The following ADGRG6 variants were observed in gnomAD, a reference collection of about 807,000 sequenced individuals.
ADGRG6 encodes the protein G-protein coupled receptor 126.
ADGRG6 carries 84 observed loss-of-function variants against 142.4 expected under a neutral mutation model. The ratio of observed to expected loss-of-function variants is 0.59; its 90% CI spans 0.49 to 0.71. The LOEUF (loss-of-function observed/expected upper bound fraction) is 0.71. Ranked by LOEUF, ADGRG6 falls within the 30% of genes least tolerant of loss-of-function variation. The pLI is 0.00. For synonymous variants in ADGRG6, 521 were observed against 520.5 expected, an observed-to-expected ratio of 1.00 and a Z score of -0.01; for missense variants, 1,367 against 1,466.6, an observed-to-expected ratio of 0.93 and a Z score of 1.11.
intron 13 of ADGRG6, 117 bp from the exon 14 acceptor site, chr6:142,403,685 C>T: frequency 1.6e-6 from 1 of 636,626 alleles, no homozygotes; most frequent in Non-Finnish European, 2.6e-6. Context: ...ATGTTAAGAT[C>T]AGAAAATCTA....
intron 2 of ADGRG6, among the ~76,000 whole-genome samples, chr6:142,349,346 G>A (rs1780051392): frequency 6.6e-6 from 1 of 152,206 alleles, no homozygotes; most frequent in African/African-American, 2.4e-5. Context: ...GTTGGCCTGT[G>A]GCACAGTCCC....
chr6:142,441,217 A>G (rs935181114), intron 24 of ADGRG6, among the ~76,000 whole-genome samples: 2 of 152,202 alleles, frequency 1.3e-5, no homozygotes, highest in Non-Finnish European at 2.9e-5. Flanking sequence ...AGCACATATT[A>G]TGTAAAATAA....
Position 142,443,534 on chromosome 6 carries a change from A to G in ADGRG6, c.*19A>G, listed in dbSNP as rs1183458808. ...GTTTTAATGTCTTTAAGAAAAAGAA[A>G]TCAATCTGCAGAAATGTGAAGATTT... On this transcript the variant is annotated 3_prime_UTR_variant, in exon 25 of 25. Coordinates refer to ENST00000367609, the MANE Select transcript of ADGRG6 (RefSeq NM_198569.3). 1 of 1,562,066 alleles carries G rather than the reference A, an allele frequency of 6.4e-7. No homozygotes were observed. The highest frequency in any genetic ancestry group is 2.3e-5 in the East Asian group (1 of 44,434).
intron 2 of ADGRG6, among the ~76,000 whole-genome samples, chr6:142,327,998 C>G (rs1455150401): frequency 6.6e-6 from 1 of 151,928 alleles, no homozygotes; most frequent in Admixed American, 6.6e-5. Context: ...ATTATTTTTC[C>G]TACGTTACAG....
At chr6:142,394,227 A>G (rs1248175120) in intron 9 of ADGRG6, among the ~76,000 whole-genome samples, 1 of 152,238 alleles carries the variant, frequency 6.6e-6, no homozygotes, top group Non-Finnish European at 1.5e-5. Flanking sequence ...CAGTTTATTT[A>G]TCATAACCCA....
At chr6:142,362,798 G>A (rs73580427) in intron 2 of ADGRG6, among the ~76,000 whole-genome samples, 2,254 of 152,130 alleles carry the variant, frequency 0.015, 50 homozygotes, top group African/African-American at 0.051. Flanking sequence ...TGGAGAAATG[G>A]TATGTGGCTA....
intron 17 of ADGRG6, among the ~76,000 whole-genome samples, 177 bp downstream of exon 17, chr6:142,410,096 G>A (rs114146825): frequency 0.011 from 1,748 of 152,128 alleles, 37 homozygotes; most frequent in African/African-American, 0.04. Context: ...TCTAATTTCT[G>A]TAACTTTTTA....
At chr6:142,402,324 C>T (rs1048299607) in intron 12 of ADGRG6, among the ~76,000 whole-genome samples, 3 of 152,056 alleles carry the variant, frequency 2.0e-5, no homozygotes, top group African/African-American at 7.2e-5. Flanking sequence ...TTGTAGTTTG[C>T]ATTAATTTTA....
intron 2 of ADGRG6, among the ~76,000 whole-genome samples, chr6:142,338,027 T>TTTTGTTTTTTTTTG (rs1779421205): frequency 6.9e-5 from 4 of 58,004 alleles, no homozygotes; most frequent in African/African-American, 2.2e-4. Context: ...GTTTTTTTTT[T>TTTTGTTTTTTTTTG]TTTTTTTTTT....
intron 2 of ADGRG6, among the ~76,000 whole-genome samples, chr6:142,327,842 AT>A (rs1035219914): frequency 6.6e-6 from 1 of 152,144 alleles, no homozygotes; most frequent in African/African-American, 2.4e-5. Context: ...GAAAACAAGA[AT>A]CCTACATTTT....
intron 2 of ADGRG6, among the ~76,000 whole-genome samples, chr6:142,326,680 C>A (rs1188426949): frequency 6.6e-6 from 1 of 151,992 alleles, no homozygotes; most frequent in Non-Finnish European, 1.5e-5. Flanking sequence ...AGACTGAGAT[C>A]ATCTGTTATC....
chr6:142,375,823 G>T (rs976820050), intron 4 of ADGRG6, among the ~76,000 whole-genome samples: 4 of 151,990 alleles, frequency 2.6e-5, no homozygotes, highest in Non-Finnish European at 5.9e-5. Context: ...TAGTAGAATT[G>T]AACTGACTCA....
intron 1 of ADGRG6, among the ~76,000 whole-genome samples, chr6:142,305,078 T>C (rs1374992698): frequency 3.3e-5 from 5 of 152,174 alleles, no homozygotes; most frequent in African/African-American, 1.2e-4. Context: ...GAAGAAAATA[T>C]GTATATTTGT....
rs753707536 is a variant in ADGRG6 at position 142,370,173 on chromosome 6, C to T, written c.449C>T (p.Ala150Val). The T allele has an allele frequency of 6.3e-7, 1 of 1,592,330 alleles. No individual in the cohort carries two copies. The highest frequency in any genetic ancestry group is 1.1e-5 in the South Asian group (1 of 89,896). Reference protein sequence around the residue: ...KGFNASYIRVAVSLRNQKVIL... With the variant: ...KGFNASYIRVVVSLRNQKVIL... ...TTCTTGTTATGTTTTGTCCTAGTTG[C>T]CGTGTCCTTAAGGAATCAAAAGGTC... The change falls in exon 4 of 25, where the codon GCC becomes GTC. Residue 150 changes from alanine (A) to valine (V), a missense_variant. Ala to Val is a moderately conservative substitution (Grantham distance 64, BLOSUM62 0). Around this residue, in one of 3 missense-constraint regions of ADGRG6, gnomAD observed 737 missense variants for 746.5 expected, o/e 0.99. Coordinates refer to ENST00000367609, the MANE Select transcript of ADGRG6 (RefSeq NM_198569.3).
intron 6 of ADGRG6, among the ~76,000 whole-genome samples, chr6:142,388,016 A>G (rs946041968): frequency 8.5e-5 from 13 of 152,184 alleles, no homozygotes; most frequent in African/African-American, 3.1e-4. Flanking sequence ...TAACATTTGT[A>G]AGAGAGGACA....
At chr6:142,368,826 A>G (rs879440254) in intron 3 of ADGRG6, among the ~76,000 whole-genome samples, 2 of 152,186 alleles carry the variant, frequency 1.3e-5, no homozygotes, top group African/African-American at 2.4e-5. Flanking sequence ...AATATAGGAC[A>G]TTGGAAAACA....
rs148574692 is a variant in ADGRG6 at position 142,339,443 on chromosome 6, C to G, written c.104-28126C>G. Among the ~76,000 whole-genome samples the G allele has an allele frequency of 8.6e-3, 1,316 of 152,316 alleles. 22 individuals are homozygous for G. The highest frequency in any genetic ancestry group is 0.013 in the Non-Finnish European group (905 of 68,028). ...ATATCAGAGCTTTCTGGAAACCACA[C>G]TAAAATTTGAACCCTCCTTCCCCTC... On this transcript the variant is annotated intron_variant, in intron 2 of 24. Transcript: ENST00000367609.
At chr6:142,305,950 C>A (rs970299036) in intron 1 of ADGRG6, among the ~76,000 whole-genome samples, 15 of 150,952 alleles carry the variant, frequency 9.9e-5, no homozygotes, top group African/African-American at 3.6e-4. Flanking sequence ...GATCTTTAAC[C>A]AAAAAAAAGA....
At chr6:142,338,003 TGCC>T (rs1779402377) in intron 2 of ADGRG6, among the ~76,000 whole-genome samples, 2 of 129,684 alleles carry the variant, frequency 1.5e-5, no homozygotes, top group African/African-American at 7.2e-5. Context: ...ATCCTTTTTA[TGCC>T]TTGTATCTTT....
Sources: gnomAD v4.1 joint callset for allele counts (sites outside exome capture counted in the v4.1 genomes callset) on GRCh38, gnomAD v4.1.1 for gene constraint, gnomAD v4.1.1 regional missense constraint, MANE v1.5 for transcripts, NCBI Gene and HGNC (gene_info 2026-07-23, HGNC 2026-07-21) for gene names.